MCC: variants seen among roughly 807,000 people sequenced by gnomAD.
MCC encodes MCC regulator of Wnt signaling pathway.
In MCC, 90 loss-of-function variants were observed where a neutral mutation model predicts 116.2. That is an observed-to-expected ratio of 0.77 (90% CI 0.65 to 0.92). The LOEUF (loss-of-function observed/expected upper bound fraction) is 0.92, where lower values mean the gene tolerates loss of function less well. Ranked by LOEUF, MCC falls within the 40% of genes least tolerant of loss-of-function variation. MCC has a pLI of 0.00. For missense variants in MCC, 1,516 were observed against 1,312.2 expected (o/e 1.16, Z -2.40); for synonymous variants, 578 against 510.5 (o/e 1.13, Z -1.78).
chr5:113,474,618 T>G (rs112436262), intron 1 of MCC, among the ~76,000 whole-genome samples: 5,343 of 152,248 alleles, frequency 0.035, 138 homozygotes, highest in African/African-American at 0.069. Context: ...AGTTCTGTGT[T>G]ATAGAAAAAT....
intron 1 of MCC, among the ~76,000 whole-genome samples, chr5:113,473,914 T>G (rs1282253004): frequency 6.6e-6 from 1 of 152,124 alleles, no homozygotes; most frequent in Non-Finnish European, 1.5e-5. Flanking sequence ...ATTTCAGGCC[T>G]GAAAAGCTGA....
intron 2 of MCC, among the ~76,000 whole-genome samples, chr5:113,346,668 A>G (rs1421288864): frequency 6.6e-6 from 1 of 152,144 alleles, no homozygotes; most frequent in Non-Finnish European, 1.5e-5. Flanking sequence ...GAAAGGGATA[A>G]TATCAGAGAA....
chr5:113,039,051 C>T (rs6594661), intron 17 of MCC, among the ~76,000 whole-genome samples: 30,447 of 152,032 alleles, frequency 0.2, 3,190 homozygotes, highest in Non-Finnish European at 0.24. Context: ...ATGTGAGGCT[C>T]GCCCCACCCT....
At chr5:113,102,987 G>A (rs577266064) in intron 7 of MCC, among the ~76,000 whole-genome samples, 74 of 152,202 alleles carry the variant, frequency 4.9e-4, no homozygotes, top group African/African-American at 1.4e-3. Flanking sequence ...GGTGGCGCCC[G>A]CCTGTAATCC....
At chr5:113,031,715 G>A (rs147929487) in intron 17 of MCC, among the ~76,000 whole-genome samples, 235 of 152,244 alleles carry the variant, frequency 1.5e-3, no homozygotes, top group African/African-American at 4.0e-3. Context: ...TCAGTGAACA[G>A]GGAGACTGGA....
At position 113,434,010 on chromosome 5, in the gene MCC, C is replaced by G. The variant is rs373083123; in HGVS notation, c.171-48798G>C. ...GTTGATGGCCACAGAGGGAGATCCCCGTGCCTTGGGCTGCATCCAGCAGTG... is the reference window on the plus strand; with the variant it reads ...GTTGATGGCCACAGAGGGAGATCCCGGTGCCTTGGGCTGCATCCAGCAGTG... On this transcript the variant is annotated intron_variant, in intron 1 of 18. Coordinates refer to ENST00000408903, the MANE Select transcript of MCC (RefSeq NM_001085377.2). This position sits in a 1 kb window ranked among gnomAD's most constrained non-coding sequence, Gnocchi z 4.2. 1.2e-6 allele frequency: 2 copies of G among 1,613,986 alleles called. No homozygotes were observed. Among genetic ancestry groups the G allele is most frequent in the South Asian group, 2.2e-5 (2 of 91,070 alleles).
chr5:113,063,464 G>A (rs1237685086), intron 14 of MCC, among the ~76,000 whole-genome samples: 2 of 152,190 alleles, frequency 1.3e-5, no homozygotes, highest in African/African-American at 4.8e-5. Context: ...TGCTGTGAAT[G>A]TGGCATCATT....
In MCC at chr5:113,271,161, C is replaced by T. The variant is rs887472075; in HGVS notation, c.627+69358G>A. 2.4e-4 allele frequency among the ~76,000 whole-genome samples: 37 copies of T among 152,110 alleles called. 1 individual carries two copies. The highest frequency in any genetic ancestry group is 8.8e-5 in the Non-Finnish European group (6 of 68,028). On this transcript the variant is annotated intron_variant, in intron 3 of 18. Transcript: ENST00000408903. ...AGGCCTTTGTTTACATTTCTAAGCA[C>T]AGAATTGCAAGGATATAATGCAGCT... is the stretch of plus-strand genomic sequence containing the variant.
At chr5:113,101,340 G>C (rs1282514225) in intron 8 of MCC, among the ~76,000 whole-genome samples, 5 of 150,768 alleles carry the variant, frequency 3.3e-5, no homozygotes. Flanking sequence ...GTACAATAAA[G>C]CTAAATAAAA....
chr5:113,410,713 C>T (rs1232451587), intron 1 of MCC, among the ~76,000 whole-genome samples: 11 of 152,194 alleles, frequency 7.2e-5, no homozygotes, highest in Admixed American at 7.2e-4. Context: ...CCCATTGAGA[C>T]GTCATTTACA....
At chr5:113,090,638 G>A (rs1354121139) in intron 8 of MCC, among the ~76,000 whole-genome samples, 1 of 152,220 alleles carries the variant, frequency 6.6e-6, no homozygotes, top group African/African-American at 2.4e-5. Context: ...AAGAGAGGCA[G>A]CCAGTCTACC....
At chr5:113,119,644 G>A (rs372492900) in intron 6 of MCC, among the ~76,000 whole-genome samples, 3 of 152,076 alleles carry the variant, frequency 2.0e-5, no homozygotes, top group East Asian at 1.9e-4. Context: ...CCTGACAGCA[G>A]ATTCTGTCTT....
chr5:113,123,993 T>A (rs1023447412), intron 5 of MCC, among the ~76,000 whole-genome samples: 1 of 152,124 alleles, frequency 6.6e-6, no homozygotes, highest in Non-Finnish European at 1.5e-5. Context: ...GGGAGACACA[T>A]CTATAAATCA....
At chr5:113,058,494 A>C (rs1230692168) in intron 14 of MCC, among the ~76,000 whole-genome samples, 1 of 152,174 alleles carries the variant, frequency 6.6e-6, no homozygotes, top group Non-Finnish European at 1.5e-5. Context: ...ATGCACGCTT[A>C]GGTGTGAGAA....
intron 3 of MCC, among the ~76,000 whole-genome samples, chr5:113,253,686 G>A (rs1241292722): frequency 6.6e-6 from 1 of 152,030 alleles, no homozygotes; most frequent in Admixed American, 6.5e-5. Flanking sequence ...GGGGAAAAAA[G>A]ATAAATACGG....
intron 1 of MCC, among the ~76,000 whole-genome samples, chr5:113,426,251 A>T (rs1770478958): frequency 1.3e-5 from 2 of 152,148 alleles, no homozygotes; most frequent in African/African-American, 4.8e-5. Flanking sequence ...GCTCAGGTTG[A>T]GGCTGGCAGA....
At chr5:113,404,319 G>T (rs1344592084) in intron 1 of MCC, among the ~76,000 whole-genome samples, 2 of 152,160 alleles carry the variant, frequency 1.3e-5, no homozygotes, top group Admixed American at 1.3e-4. Flanking sequence ...AACACATAGA[G>T]AAATAAGTCT....
At chr5:113,067,336 GGGGAAACCCAT>G (rs1561774081) in intron 13 of MCC, among the ~76,000 whole-genome samples, 1 of 152,182 alleles carries the variant, frequency 6.6e-6, no homozygotes, top group Non-Finnish European at 1.5e-5. Context: ...AGACCTGGCA[GGGGAAACCCAT>G]GTTTCAAAAC....
Position 113,222,772 on chromosome 5 carries a change from A to G in MCC, c.628-71350T>C, listed in dbSNP as rs60044419. 6.1e-3 allele frequency among the ~76,000 whole-genome samples: 923 copies of G among 152,300 alleles called. 11 individuals carry two copies. Among genetic ancestry groups the G allele is most frequent in the African/African-American group, 0.021 (885 of 41,556 alleles). ...ACTCTGCTAGGAGCTGGGAATGCAA[A>G]AGTGACCAAGATACAACCCCTATCC... On this transcript the variant is annotated intron_variant, in intron 3 of 18. Transcript: ENST00000408903.
Sources: gnomAD v4.1 joint callset for allele counts (sites outside exome capture counted in the v4.1 genomes callset) on GRCh38, gnomAD v4.1.1 for gene constraint, Gnocchi (gnomAD v3.1) non-coding constraint, MANE v1.5 for transcripts, NCBI Gene and HGNC (gene_info 2026-07-23, HGNC 2026-07-21) for gene names.